Variants in ARHGAP19 observed in about 807,000 individuals in gnomAD.
ARHGAP19 encodes rho GTPase-activating protein 19.
ARHGAP19 carries 48 observed loss-of-function variants against 60.9 expected under a neutral mutation model. The observed-to-expected ratio is 0.79, with a 90% confidence interval of 0.62 to 1.00. The LOEUF is 1.00. Ranked by LOEUF, ARHGAP19 falls within the 50% of genes least tolerant of loss-of-function variation. ARHGAP19 has a pLI of 0.00. For synonymous variants in ARHGAP19, 209 were observed against 215.5 expected, an observed-to-expected ratio of 0.97 and a Z score of 0.27; for missense variants, 562 against 597.2, an observed-to-expected ratio of 0.94 and a Z score of 0.61.
chr10:97,228,643 C>T (rs1366299455), intron 11 of ARHGAP19, among the ~76,000 whole-genome samples: 2 of 152,124 alleles, frequency 1.3e-5, no homozygotes, highest in African/African-American at 4.8e-5. Context: ...GGACAATCAG[C>T]AGTCCCAGCA....
At chr10:97,254,948 T>G (rs1314763655) in intron 6 of ARHGAP19, among the ~76,000 whole-genome samples, 1 of 152,134 alleles carries the variant, frequency 6.6e-6, no homozygotes, top group Non-Finnish European at 1.5e-5. Flanking sequence ...CTATGCTAAG[T>G]ATAAATAAGG....
chr10:97,271,896 C>T (rs1842963172), intron 1 of ARHGAP19, among the ~76,000 whole-genome samples: 1 of 151,726 alleles, frequency 6.6e-6, no homozygotes, highest in African/African-American at 2.4e-5. Context: ...TAATTTTTCT[C>T]CTTTATGGTA....
chr10:97,258,814 C>G (rs1842789593), intron 5 of ARHGAP19: 2 of 151,394 alleles, frequency 1.3e-5, no homozygotes, highest in Non-Finnish European at 2.9e-5. Context: ...GTTTTTATCC[C>G]TCAGGCATTT....
Position 97,248,533 on chromosome 10 carries a change from C to T in ARHGAP19, c.928-2196G>A, listed in dbSNP as rs538745011. Among the ~76,000 whole-genome samples the T allele has an allele frequency of 2.6e-5, 4 of 152,186 alleles. No homozygotes were observed. In the South Asian group the frequency reaches 6.2e-4, roughly 24 times the overall value. On this transcript the variant is annotated intron_variant, in intron 6 of 11. Transcript: ENST00000358531. ...TCTGAATTGGTGGTATTAATATGAA[C>T]TTACAATTGCTTTAAAAAAATGTTT...
chr10:97,239,741 CTT>C (rs1483814091), intron 8 of ARHGAP19, among the ~76,000 whole-genome samples: 1 of 151,382 alleles, frequency 6.6e-6, no homozygotes, highest in African/African-American at 2.4e-5. Flanking sequence ...GAGTTTCACT[CTT>C]GTTGCCCAGG....
intron 6 of ARHGAP19, among the ~76,000 whole-genome samples, chr10:97,247,727 G>C (rs573598745): frequency 7.4e-6 from 1 of 136,054 alleles, no homozygotes; most frequent in East Asian, 2.3e-4. Flanking sequence ...AAAGGATGGA[G>C]AGAAGGAAGA....
In ARHGAP19 at chr10:97,256,030, G is replaced by T. The variant is rs528125532; in HGVS notation, c.927+288C>A. 2.6e-5 allele frequency among the ~76,000 whole-genome samples: 4 copies of T among 152,210 alleles called. No homozygotes were observed. The East Asian group carries it at 7.7e-4, about 29-fold the overall frequency. ...CCCAAAACTCTACTGGCAGTAAGCA[G>T]GCAGGATAAAACTACCTAGCTGCCA... On this transcript the variant is annotated intron_variant, in intron 6 of 11. Transcript: ENST00000358531.
At chr10:97,250,989 G>C (rs1257800812) in intron 6 of ARHGAP19, among the ~76,000 whole-genome samples, 1 of 151,158 alleles carries the variant, frequency 6.6e-6, no homozygotes, top group Non-Finnish European at 1.5e-5. Flanking sequence ...CTTGAGCCTG[G>C]GAAGTCAAAG....
chr10:97,261,634 A>G (rs1344755860), intron 4 of ARHGAP19, among the ~76,000 whole-genome samples: 1 of 152,162 alleles, frequency 6.6e-6, no homozygotes, highest in Non-Finnish European at 1.5e-5. Context: ...CTACTAAAAG[A>G]GCTAAAAAAA....
intron 5 of ARHGAP19, among the ~76,000 whole-genome samples, chr10:97,256,912 G>C (rs908004903): frequency 3.3e-5 from 5 of 152,060 alleles, no homozygotes; most frequent in African/African-American, 1.2e-4. Flanking sequence ...ACGAGGTCAG[G>C]AGATTGAGAC....
At chr10:97,285,702 T>C (rs920509575) in intron 1 of ARHGAP19, among the ~76,000 whole-genome samples, 4 of 152,010 alleles carry the variant, frequency 2.6e-5, no homozygotes, top group African/African-American at 9.7e-5. Context: ...ATATTTTTAG[T>C]AGAGACAGGG....
intron 1 of ARHGAP19, chr10:97,270,792 G>A: frequency 2.6e-6 from 2 of 758,800 alleles, no homozygotes; most frequent in Admixed American, 3.3e-5. Flanking sequence ...AGGACTCTGA[G>A]CACTCATCTG....
chr10:97,266,174 C>T (rs1340683), intron 1 of ARHGAP19, 49 bp from the exon 2 acceptor site: 1 of 1,599,830 alleles, frequency 6.3e-7, no homozygotes, highest in East Asian at 2.2e-5. Flanking sequence ...TTGTATGTTT[C>T]TTATGCACTA....
At chr10:97,258,261 C>T (rs1842782287) in intron 5 of ARHGAP19, among the ~76,000 whole-genome samples, 1 of 152,146 alleles carries the variant, frequency 6.6e-6, no homozygotes, top group African/African-American at 2.4e-5. Context: ...CGCGGTGGCT[C>T]ACACCTGTAA....
intron 5 of ARHGAP19, among the ~76,000 whole-genome samples, chr10:97,256,977 C>T (rs769136838): frequency 3.3e-5 from 5 of 152,050 alleles, no homozygotes; most frequent in African/African-American, 7.2e-5. Context: ...AAAAATTAGC[C>T]GGGCGTGGTG....
At chr10:97,245,963 T>C (rs374834467) in intron 7 of ARHGAP19, among the ~76,000 whole-genome samples, 12 of 152,122 alleles carry the variant, frequency 7.9e-5, no homozygotes, top group Admixed American at 7.2e-4. Context: ...AGGGTCTCGC[T>C]GTGTTACCCA....
At chr10:97,236,585 T>C (rs1842381035) in intron 8 of ARHGAP19, among the ~76,000 whole-genome samples, 1 of 152,002 alleles carries the variant, frequency 6.6e-6, no homozygotes, top group African/African-American at 2.4e-5. Context: ...TCTGGGAAGG[T>C]ATTTAGCAAG....
At position 97,231,979 on chromosome 10, in the gene ARHGAP19, GTT is replaced by G. The variant is rs142111578; in HGVS notation, c.1285-2107_1285-2106del. Among the ~76,000 whole-genome samples the G allele has an allele frequency of 3.3e-3, 351 of 107,838 alleles. 1 individual carries two copies. Among genetic ancestry groups the G allele is most frequent in the African/African-American group, 9.7e-3 (298 of 30,592 alleles). 70.7% of individuals were successfully genotyped at this position (107,838 alleles called of 152,430 possible). A position where few individuals can be genotyped will look rare whatever the true frequency, so the allele number is the denominator to read the frequency against. Reference sequence around the variant, plus strand: ...TCATCAACATTTGTTATTTTCCGTTGTTTTTTTTTTTTTTTTTTTAATAATAG... The same window carrying G: ...TCATCAACATTTGTTATTTTCCGTTGTTTTTTTTTTTTTTTTTAATAATAG... On this transcript the variant is annotated intron_variant, in intron 9 of 11. Coordinates refer to ENST00000358531, the MANE Select transcript of ARHGAP19 (RefSeq NM_032900.6).
chr10:97,286,320 G>A (rs1433541523), intron 1 of ARHGAP19, among the ~76,000 whole-genome samples: 2 of 152,178 alleles, frequency 1.3e-5, no homozygotes, highest in African/African-American at 4.8e-5. Flanking sequence ...GGCCAGGCAC[G>A]GTGGCTCACA....
Sources: gnomAD v4.1 joint callset for allele counts (sites outside exome capture counted in the v4.1 genomes callset) on GRCh38, gnomAD v4.1.1 for gene constraint, MANE v1.5 for transcripts, NCBI Gene and HGNC (gene_info 2026-07-23, HGNC 2026-07-21) for gene names.